The following FER variants were observed in gnomAD, a reference collection of about 807,000 sequenced individuals.
The protein encoded by FER is tyrosine-protein kinase Fer.
FER carries 63 observed loss-of-function variants against 111.0 expected under a neutral mutation model. That is an observed-to-expected ratio of 0.57 (90% CI 0.46 to 0.70). FER has a LOEUF of 0.70. Among genes scored for constraint, FER ranks in the 30% least tolerant of loss-of-function variants. FER has a pLI of 0.00. For synonymous variants in FER, 327 were observed against 313.9 expected, an observed-to-expected ratio of 1.04 and a Z score of -0.44; for missense variants, 914 against 954.0, an observed-to-expected ratio of 0.96 and a Z score of 0.55.
At chr5:108,850,348 A>G (rs1414044361) in intron 5 of FER, among the ~76,000 whole-genome samples, 1 of 152,012 alleles carries the variant, frequency 6.6e-6, no homozygotes, top group Non-Finnish European at 1.5e-5. Flanking sequence ...TGAGGATTCC[A>G]GTTAAGGTGT....
At chr5:108,857,203 T>C (rs1303433886) in intron 5 of FER, among the ~76,000 whole-genome samples, 1 of 152,170 alleles carries the variant, frequency 6.6e-6, no homozygotes, top group African/African-American at 2.4e-5. Flanking sequence ...TGTATATTTA[T>C]TCAGTTGTCA....
intron 16 of FER, among the ~76,000 whole-genome samples, chr5:109,058,724 CTT>C (rs746184286): frequency 4.3e-3 from 327 of 76,166 alleles, no homozygotes; most frequent in African/African-American, 0.018. Context: ...TTCTTTCTTT[CTT>C]TTTTTTTTTT....
intron 13 of FER, among the ~76,000 whole-genome samples, chr5:108,959,636 G>T (rs1441202303): frequency 6.6e-6 from 1 of 151,626 alleles, no homozygotes; most frequent in Non-Finnish European, 1.5e-5. Context: ...ACTTTATAAG[G>T]TTCATACTTT....
rs1772104152 is a variant in FER, at chr5:109,047,150, G to T, written c.1876G>T (p.Val626Phe). The change falls in exon 16 of 20, where the codon GTT (valine) becomes TTT (phenylalanine). Residue 626 changes from valine (V) to phenylalanine (F), a missense_variant. Around this residue, in one of 3 missense-constraint regions of FER, gnomAD observed 774 missense variants for 782.6 expected, o/e 0.99. Coordinates refer to ENST00000281092, the MANE Select transcript of FER (RefSeq NM_005246.4). ...DHPNIVKLIGVCTQRQPVYII... is the reference protein window; with the variant it reads ...DHPNIVKLIGFCTQRQPVYII... Reference sequence around the variant, plus strand: ...TCCCAATATTGTCAAACTTATAGGAGTTTGCACACAAAGACAGCCTGTCTA... The same window carrying T: ...TCCCAATATTGTCAAACTTATAGGATTTTGCACACAAAGACAGCCTGTCTA... The T allele has an allele frequency of 6.2e-7, 1 of 1,609,296 alleles. No individual in the cohort carries two copies.
intron 3 of FER, among the ~76,000 whole-genome samples, chr5:108,806,851 T>TA (rs1320151303): frequency 6.6e-6 from 1 of 152,142 alleles, no homozygotes; most frequent in Admixed American, 6.5e-5. Flanking sequence ...GATGAGACAT[T>TA]GGATTGTGGA....
In FER at chr5:109,065,499, G is replaced by A. The variant is rs530767494; in HGVS notation, c.1924+18301G>A. Among the ~76,000 whole-genome samples the A allele has an allele frequency of 3.7e-4, 57 of 152,166 alleles. 1 individual carries two copies. The highest frequency in any genetic ancestry group is 1.4e-3 in the Admixed American group (21 of 15,264). On this transcript the variant is annotated intron_variant, in intron 16 of 19. Transcript: ENST00000281092. The stretch of plus-strand genomic sequence containing the variant: ...AGCCTCTGTATTCAGAAATGATGAC[G>A]ATACAAAGTATCTGGACTCTTCTCA...
intron 2 of FER, among the ~76,000 whole-genome samples, chr5:108,776,164 G>A (rs1163961983): frequency 6.6e-6 from 1 of 152,098 alleles, no homozygotes; most frequent in East Asian, 1.9e-4. Flanking sequence ...AATTCAAGCT[G>A]TATTGAATTT....
Position 109,193,666 on chromosome 5 carries a change from G to A in FER, c.*6091G>A, listed in dbSNP as rs2126913260. 6.6e-6 allele frequency: 1 copy of A among 152,220 alleles called. No homozygotes were observed. The highest frequency in any genetic ancestry group is 3.4e-3 in the Middle Eastern group (1 of 294). 9.4% of individuals were successfully genotyped at this position (152,220 alleles called of 1,614,324 possible). A position where few individuals can be genotyped will look rare whatever the true frequency, so the allele number is the denominator to read the frequency against. ...TGAGGTGCAGAGAATACTACCAGGT[G>A]CTAGTTTTTCCAGTATTTGACTTCT... is the stretch of plus-strand genomic sequence containing the variant. On this transcript the variant is annotated 3_prime_UTR_variant, in exon 20 of 20. Transcript: ENST00000281092.
In FER at chr5:109,146,257, T is replaced by TATATATATTATCTATCTA. The variant is rs1561953814; in HGVS notation, c.2049-34482_2049-34481insTATCTATCTAATATATAT. 5.9e-3 allele frequency among the ~76,000 whole-genome samples: 378 copies of TATATATATTATCTATCTA among 63,680 alleles called. 27 individuals carry two copies. Among genetic ancestry groups the TATATATATTATCTATCTA allele is most frequent in the African/African-American group, 0.028 (345 of 12,486 alleles). The allele number at this position is 63,680 out of a possible 152,430, so 41.8% of individuals were successfully genotyped here. A position where few individuals can be genotyped will look rare whatever the true frequency, so the allele number is the denominator to read the frequency against. On this transcript the variant is annotated intron_variant, in intron 17 of 19. Coordinates refer to ENST00000281092, the MANE Select transcript of FER (RefSeq NM_005246.4). ...TAATATATATATAATCTATCTAATA[T>TATATATATTATCTATCTA]ATATATATATATATATATATATATA...
intron 3 of FER, among the ~76,000 whole-genome samples, chr5:108,812,588 A>G (rs1156524505): frequency 6.6e-6 from 1 of 152,070 alleles, no homozygotes; most frequent in African/African-American, 2.4e-5. Context: ...GTTTAAATTT[A>G]TCATCTTACC....
chr5:108,750,722 C>T (rs943517401), intron 1 of FER, among the ~76,000 whole-genome samples: 6 of 152,156 alleles, frequency 3.9e-5, no homozygotes, highest in African/African-American at 1.4e-4. Flanking sequence ...AACTCTGGAC[C>T]GTGAACATTT....
intron 13 of FER, among the ~76,000 whole-genome samples, chr5:108,999,292 A>C (rs1160583095): frequency 1.3e-5 from 2 of 152,144 alleles, no homozygotes; most frequent in African/African-American, 4.8e-5. Flanking sequence ...CAATTTTACT[A>C]TTCTGTAACC....
intron 5 of FER, among the ~76,000 whole-genome samples, chr5:108,861,072 T>G (rs925524160): frequency 2.0e-5 from 3 of 152,132 alleles, no homozygotes; most frequent in African/African-American, 7.2e-5. Flanking sequence ...GAGATTTGGG[T>G]GGGGACATAG....
chr5:109,118,226 A>G (rs1750511865), intron 17 of FER, among the ~76,000 whole-genome samples: 1 of 152,132 alleles, frequency 6.6e-6, no homozygotes, highest in South Asian at 2.1e-4. Flanking sequence ...GCGTTGTTGA[A>G]TTTTGTCAAA....
chr5:109,163,184 A>G (rs1582331376), intron 17 of FER, among the ~76,000 whole-genome samples: 1 of 152,102 alleles, frequency 6.6e-6, no homozygotes, highest in East Asian at 1.9e-4. Flanking sequence ...TGTAACTTAT[A>G]ATGCTTTTCA....
intron 3 of FER, among the ~76,000 whole-genome samples, chr5:108,825,569 G>C (rs1759378565): frequency 6.6e-6 from 1 of 152,144 alleles, no homozygotes; most frequent in African/African-American, 2.4e-5. Context: ...AATTTGTGTA[G>C]TTAACGCAAT....
At chr5:108,873,763 T>C (rs1764834240) in intron 8 of FER, among the ~76,000 whole-genome samples, 2 of 152,160 alleles carry the variant, frequency 1.3e-5, no homozygotes, top group Non-Finnish European at 2.9e-5. Flanking sequence ...CAGGGGACAT[T>C]TGACAGTATC....
At position 109,052,382 on chromosome 5, in the gene FER, G is replaced by T; in HGVS notation, c.1924+5184G>T. 1.9e-6 allele frequency: 3 copies of T among 1,566,772 alleles called. No homozygotes were observed. In the South Asian group the frequency reaches 3.3e-5, roughly 17 times the overall value. On this transcript the variant is annotated intron_variant, in intron 16 of 19. Coordinates refer to ENST00000281092, the MANE Select transcript of FER (RefSeq NM_005246.4). ...ATTTGGAAAATGAAAAGTACTGACA[G>T]CCACACCTTCCCTCCAGCAGTTAAG...
At chr5:108,776,354 C>T (rs1438671328) in intron 2 of FER, among the ~76,000 whole-genome samples, 2 of 151,782 alleles carry the variant, frequency 1.3e-5, no homozygotes, top group African/African-American at 4.8e-5. Context: ...AAACATAATC[C>T]TGTTAAAAAA....
Sources: gnomAD v4.1 joint callset for allele counts (sites outside exome capture counted in the v4.1 genomes callset) on GRCh38, gnomAD v4.1.1 for gene constraint, gnomAD v4.1.1 regional missense constraint, MANE v1.5 for transcripts, NCBI Gene and HGNC (gene_info 2026-07-23, HGNC 2026-07-21) for gene names.